The following CAPN12 variants were observed in gnomAD, a reference collection of about 807,000 sequenced individuals.
CAPN12 encodes calpain-12.
A neutral mutation model predicts 95.0 loss-of-function variants in CAPN12; 107 were observed. The ratio of observed to expected loss-of-function variants is 1.13; its 90% CI spans 0.96 to 1.32. CAPN12 has a LOEUF of 1.32. Ranked by LOEUF, CAPN12 falls within the 40% of genes most tolerant of loss-of-function variation. The pLI, the probability that CAPN12 is intolerant of heterozygous loss-of-function variation, is 0.00. For missense variants in CAPN12, 1,136 were observed against 997.8 expected (o/e 1.14, Z -1.87); for synonymous variants, 505 against 415.5 (o/e 1.22, Z -2.62).
At position 38,730,931 on chromosome 19, in the gene CAPN12, GC is replaced by G. The variant is rs1599875184; in HGVS notation, c.2133+33del. The G allele has an allele frequency of 5.2e-6, 8 of 1,550,410 alleles. No homozygotes were observed. In the East Asian group the frequency reaches 2.0e-4, roughly 38 times the overall value. ...TGAGGCAGGGAGCTCGCAGGACAGAGCCTGAGCCACCCTGTCCCTCCCACCT... is the reference window on the plus strand; with the variant it reads ...TGAGGCAGGGAGCTCGCAGGACAGAGCTGAGCCACCCTGTCCCTCCCACCT... On this transcript the variant is annotated intron_variant, in intron 20 of 20. Transcript: ENST00000328867.
chr19:38,732,369 T>C (rs1171843087), intron 18 of CAPN12, among the ~76,000 whole-genome samples: 3 of 152,224 alleles, frequency 2.0e-5, no homozygotes, highest in South Asian at 2.1e-4. Context: ...TCTCGCTCTG[T>C]TGCCCAGGCT....
chr19:38,740,016 G>A (rs1156869082), intron 5 of CAPN12, 35 bp downstream of exon 5: 3 of 1,520,694 alleles, frequency 2.0e-6, no homozygotes, highest in South Asian at 2.6e-5. Flanking sequence ...CTCTGGTCCT[G>A]GTGGGGGTTC....
rs375825467 is a variant in CAPN12 at position 38,734,171 on chromosome 19, G to A, written c.1849C>T (p.Gln617Ter). 33 of 1,612,930 alleles carry A rather than the reference G, an allele frequency of 2.0e-5. No individual in the cohort carries two copies. The highest frequency in any genetic ancestry group is 1.6e-4 in the Middle Eastern group (1 of 6,082). Reference protein sequence around the residue: ...GQSLALHHFQQLWGYLLEWQA... With the variant: ...GQSLALHHFQ Reference sequence around the variant, plus strand: ...CACTCCAGGAGGTAGCCCCAGAGCTGCTGGAAGTGGTGTAAGGCCAGGCTT... The same window carrying A: ...CACTCCAGGAGGTAGCCCCAGAGCTACTGGAAGTGGTGTAAGGCCAGGCTT... Residue 617 changes from glutamine (Q) to a stop codon, truncating the protein, a stop_gained, in exon 17 of 21, where the codon CAG (glutamine) becomes TAG (stop). Coordinates refer to ENST00000328867, the MANE Select transcript of CAPN12 (RefSeq NM_144691.4). LOFTEE classifies it high-confidence loss of function.
intron 5 of CAPN12, chr19:38,739,376 G>C (rs1346846246): frequency 1.3e-5 from 2 of 148,624 alleles, no homozygotes; most frequent in Non-Finnish European, 3.0e-5. Context: ...TTGAACTTGG[G>C]TGACAGAGGT....
At position 38,730,822 on chromosome 19, in the gene CAPN12, C is replaced by T. The variant is rs956302968; in HGVS notation, c.*30G>A. 1.9e-6 allele frequency: 3 copies of T among 1,550,414 alleles called. No individual in the cohort carries two copies. The highest frequency in any genetic ancestry group is 2.6e-6 in the Non-Finnish European group (3 of 1,147,046). On this transcript the variant is annotated 3_prime_UTR_variant, in exon 21 of 21. Transcript: ENST00000328867. ...GGTGGTCTTGCTCAGCAACCCTGCC[C>T]TGAGCAGCAGGTGCGCCCATCCGGA...
At chr19:38,732,555 ACTC>A (rs1171315469) in intron 18 of CAPN12, among the ~76,000 whole-genome samples, 2 of 151,672 alleles carry the variant, frequency 1.3e-5, no homozygotes, top group Non-Finnish European at 2.9e-5. Context: ...CTGGTCTTGA[ACTC>A]CTAGGCTCAA....
At chr19:38,738,806 GAA>G (rs1568791360) in intron 5 of CAPN12, 158 bp from the exon 6 acceptor site, 1 of 645,932 alleles carries the variant, frequency 1.5e-6, no homozygotes, top group Non-Finnish European at 2.7e-6. Flanking sequence ...GACTGAAGGC[GAA>G]AGAGAAAAGG....
At chr19:38,742,135 C>T in intron 3 of CAPN12, 1 of 637,940 alleles carries the variant, frequency 1.6e-6, no homozygotes. Flanking sequence ...ACCAGCCTGG[C>T]TAAGATGGTG....
chr19:38,738,069 T>A (rs1012592607), intron 8 of CAPN12, among the ~76,000 whole-genome samples: 1 of 152,156 alleles, frequency 6.6e-6, no homozygotes, highest in African/African-American at 2.4e-5. Context: ...TATTACTACT[T>A]TTTTAAACCC....
chr19:38,733,373 C>G (rs1157725032), intron 18 of CAPN12: 9 of 298,912 alleles, frequency 3.0e-5, no homozygotes, highest in Non-Finnish European at 5.0e-5. Context: ...CCAGAACATT[C>G]TACCATGCTG....
At position 38,736,251 on chromosome 19, in the gene CAPN12, G is replaced by GAGCGGTCGGCGCGC. The variant is rs1211234892; in HGVS notation, c.1428_1441dup (p.Ser481CysfsTer14). 1.2e-4 allele frequency: 174 copies of GAGCGGTCGGCGCGC among 1,475,428 alleles called. 1 individual carries two copies. Among genetic ancestry groups the GAGCGGTCGGCGCGC allele is most frequent in the Non-Finnish European group, 1.3e-4 (151 of 1,121,266 alleles). The allele number at this position is 1,475,428 out of a possible 1,614,324, so 91.4% of individuals were successfully genotyped here. A position where few individuals can be genotyped will look rare whatever the true frequency, so the allele number is the denominator to read the frequency against. On this transcript the variant is annotated frameshift_variant, in exon 12 of 21. Transcript: ENST00000328867. LOFTEE classifies it high-confidence loss of function. Reference sequence around the variant, plus strand: ...CACGTCGCGGCGGGCGCTGAGGGGCGAGCGGTCGGCGCGCAGCAGCCGGGG... The same window carrying GAGCGGTCGGCGCGC: ...CACGTCGCGGCGGGCGCTGAGGGGCGAGCGGTCGGCGCGCAGCGGTCGGCGCGCAGCAGCCGGGG...
intron 14 of CAPN12, 159 bp downstream of exon 14, chr19:38,735,211 G>A (rs897534320): frequency 3.9e-5 from 28 of 716,436 alleles, no homozygotes; most frequent in South Asian, 2.5e-4. Flanking sequence ...CTGAGGCAGG[G>A]AGGAGCTGTG....
rs1555713295 is a variant in CAPN12, at chr19:38,744,115, A to G, written c.51T>C (p.Ala17=). 1 of 1,614,144 alleles carries G rather than the reference A, an allele frequency of 6.2e-7. No homozygotes were observed. Among genetic ancestry groups the G allele is most frequent in the South Asian group, 1.1e-5 (1 of 91,086 alleles). The part of the protein sequence containing the change: ...RVTIQLVDEE[A]GVGAGRLQLF... ...GCTGCAGGCGCCCGGCTCCGACCCC[A>G]GCCTCCTCATCCACGAGCTGGATGG... The change falls in exon 1 of 21, where the codon GCT becomes GCC. Residue 17 remains alanine (A), a synonymous_variant. Transcript: ENST00000328867.
In CAPN12 at chr19:38,730,967, G is replaced by C. The variant is rs546651043; in HGVS notation, c.2131C>G (p.Gln711Glu). The C allele has an allele frequency of 1.3e-6, 2 of 1,550,784 alleles. No homozygotes were observed. The highest frequency in any genetic ancestry group is 1.7e-6 in the Non-Finnish European group (2 of 1,147,140). ...CCTGTCCCTCCCACCTGGCTCACCT[G>C]TCTGTGGGTCAGGCAGATGACCCCC... is the stretch of plus-strand genomic sequence containing the variant. Reference protein sequence around the residue: ...GEGVICLTHRQWMEVATFS With the variant: ...GEGVICLTHREWMEVATFS Residue 711 changes from glutamine to glutamate, a missense_variant and splice_region_variant, in exon 20 of 21, where the codon CAG (glutamine) becomes GAG (glutamate). Physicochemically the swap from Gln to Glu is conservative, Grantham distance 29 (BLOSUM62 2). Transcript: ENST00000328867.
At chr19:38,734,621 G>T in intron 15 of CAPN12, 192 bp downstream of exon 15, 1 of 648,606 alleles carries the variant, frequency 1.5e-6, no homozygotes, top group Non-Finnish European at 2.6e-6. Flanking sequence ...AGGGGAGCTT[G>T]CGAGCAGCCG....
At chr19:38,738,708 C>T in intron 5 of CAPN12, 60 bp from the exon 6 acceptor site, 1 of 1,526,612 alleles carries the variant, frequency 6.6e-7, no homozygotes, top group Non-Finnish European at 9.1e-7. Flanking sequence ...CTGCTCCTCC[C>T]TGCCCCCAAC....
chr19:38,731,934 G>T (rs147697845), intron 18 of CAPN12, among the ~76,000 whole-genome samples: 2 of 152,316 alleles, frequency 1.3e-5, no homozygotes, highest in African/African-American at 2.4e-5. Flanking sequence ...CTTCCTGCCC[G>T]TGTGACCTGC....
In CAPN12 at chr19:38,730,457, ATTT is replaced by A. The variant is rs377467940; in HGVS notation, c.*392_*394del. 232 of 208,266 alleles carry A rather than the reference ATTT, an allele frequency of 1.1e-3. No homozygotes were observed. Among genetic ancestry groups the A allele is most frequent in the African/African-American group, 5.1e-3 (217 of 42,370 alleles). The allele number at this position is 208,266 out of a possible 1,614,324, so 12.9% of individuals were successfully genotyped here. On this transcript the variant is annotated 3_prime_UTR_variant, in exon 21 of 21. Transcript: ENST00000328867. ...TTTTTTTTTGAGTTTATTCTGATTG[ATTT>A]TTTTTCTTGGTTTCTGGATAAACCA...
At position 38,743,971 on chromosome 19, in the gene CAPN12, C is replaced by A. The variant is rs757810087; in HGVS notation, c.195G>T (p.Pro65=). ...PDALGYDQLG[P]DSEKAKGVKW... is the part of the protein sequence containing the mutation. ...TCACGCCTTTGGCCTTCTCCGAGTC[C>A]GGCCCCAGCTGGTCATAGCCAAGGG... Residue 65 remains proline, a synonymous_variant, in exon 1 of 21, where the codon CCG becomes CCT. Transcript: ENST00000328867. 2 of 1,614,232 alleles carry A rather than the reference C, an allele frequency of 1.2e-6. No individual in the cohort carries two copies.
Sources: allele counts gnomAD v4.1 joint callset (sites outside exome capture counted in the v4.1 genomes callset), GRCh38; gene constraint gnomAD v4.1.1; transcripts MANE v1.5; gene names NCBI Gene and HGNC (gene_info 2026-07-23, HGNC 2026-07-21).